Variants in LITAF observed in about 807,000 individuals in gnomAD.
The protein encoded by LITAF is lipopolysaccharide induced TNF factor, also known as lipopolysaccharide-induced tumor necrosis factor-alpha factor.
Under a neutral mutation model 14.5 loss-of-function variants are expected in LITAF, and 9 were observed. The ratio of observed to expected loss-of-function variants is 0.62; its 90% CI spans 0.37 to 1.08. The LOEUF (loss-of-function observed/expected upper bound fraction) is 1.08. Ranked by LOEUF, LITAF falls within the 50% of genes least tolerant of loss-of-function variation. The probability of loss-of-function intolerance (pLI) is 0.01; values close to 1 mark genes in which losing one functional copy is unlikely to be tolerated. For synonymous variants in LITAF, 98 were observed against 88.2 expected, an observed-to-expected ratio of 1.11 and a Z score of -0.62; for missense variants, 206 against 213.4, an observed-to-expected ratio of 0.97 and a Z score of 0.22.
At chr16:11,573,350 G>A (rs1458439225) in intron 1 of LITAF, among the ~76,000 whole-genome samples, 2 of 152,172 alleles carry the variant, frequency 1.3e-5, no homozygotes, top group Non-Finnish European at 2.9e-5. Flanking sequence ...CCTGGGTATC[G>A]ATAAACTGAG....
intron 3 of LITAF, among the ~76,000 whole-genome samples, chr16:11,609,365 C>A (rs2064970456): frequency 6.6e-6 from 1 of 152,036 alleles, no homozygotes; most frequent in African/African-American, 2.4e-5. Context: ...GCGCCTGCCA[C>A]CACACTCAGC....
intron 1 of LITAF, chr16:11,584,466 G>A (rs1011771038): frequency 7.2e-5 from 11 of 152,054 alleles, no homozygotes; most frequent in African/African-American, 2.4e-4. Context: ...AATTAACTTG[G>A]GCTGGAAACG....
At chr16:11,603,840 C>T (rs559432502) in intron 3 of LITAF, among the ~76,000 whole-genome samples, 4 of 150,914 alleles carry the variant, frequency 2.7e-5, no homozygotes, top group South Asian at 4.2e-4. Flanking sequence ...GTCGGGAGAT[C>T]GAGACCATCC....
upstream of LITAF, among the ~76,000 whole-genome samples, chr16:11,638,701 C>CA (rs57170972): frequency 9.2e-3 from 702 of 75,938 alleles, 135 homozygotes; most frequent in Middle Eastern, 0.019. Flanking sequence ...GACTCTGTCT[C>CA]AAAAAAAAAA....
intron 3 of LITAF, among the ~76,000 whole-genome samples, chr16:11,625,691 A>G (rs1597375671): frequency 6.6e-6 from 1 of 152,164 alleles, no homozygotes; most frequent in South Asian, 2.1e-4. Context: ...AGTGACAGAA[A>G]TCAGAGCAGA....
At chr16:11,565,818 G>A (rs1016357066) in intron 1 of LITAF, among the ~76,000 whole-genome samples, 6 of 68,896 alleles carry the variant, frequency 8.7e-5, no homozygotes, top group African/African-American at 2.0e-4. Flanking sequence ...GGCAAATTCC[G>A]CTTAGCTTGC....
At chr16:11,619,691 T>C (rs2065038891) in intron 3 of LITAF, among the ~76,000 whole-genome samples, 1 of 151,964 alleles carries the variant, frequency 6.6e-6, no homozygotes, top group Non-Finnish European at 1.5e-5. Flanking sequence ...CTCAGCTTCC[T>C]GAGCAGCTGG....
intron 1 of LITAF, among the ~76,000 whole-genome samples, chr16:11,579,330 A>C (rs1238378072): frequency 6.6e-6 from 1 of 151,690 alleles, no homozygotes; most frequent in South Asian, 2.1e-4. Flanking sequence ...GGGCGCCTGT[A>C]GTCCCAGCTA....
chr16:11,640,207 A>G (rs924048053), upstream of LITAF, among the ~76,000 whole-genome samples: 1 of 152,210 alleles, frequency 6.6e-6, no homozygotes, highest in African/African-American at 2.4e-5. Flanking sequence ...CATCCAGCAC[A>G]TAGTAGCTGC....
At chr16:11,638,469 G>A (rs1053440458), upstream of LITAF, among the ~76,000 whole-genome samples, 1 of 151,912 alleles carries the variant, frequency 6.6e-6, no homozygotes, top group African/African-American at 2.4e-5. Context: ...TTGGGAGGCC[G>A]AGGCAGGCGC....
intron 1 of LITAF, among the ~76,000 whole-genome samples, chr16:11,560,545 T>G (rs529199493): frequency 6.7e-6 from 1 of 150,328 alleles, no homozygotes; most frequent in East Asian, 1.9e-4. Context: ...ATCACACCAC[T>G]GCACTCCAGC....
At chr16:11,578,124 C>T (rs73509583) in intron 1 of LITAF, among the ~76,000 whole-genome samples, 1,716 of 152,136 alleles carry the variant, frequency 0.011, 34 homozygotes, top group African/African-American at 0.04. Context: ...GTCTTAAACT[C>T]GTGGGTTCAA....
intron 3 of LITAF, among the ~76,000 whole-genome samples, chr16:11,631,696 CG>C (rs1482258130): frequency 6.6e-6 from 1 of 151,268 alleles, no homozygotes. Context: ...AGTCACCACA[CG>C]GACGCCTTCT....
chr16:11,621,759 G>A (rs888654895), intron 3 of LITAF, among the ~76,000 whole-genome samples: 1 of 151,848 alleles, frequency 6.6e-6, no homozygotes, highest in Non-Finnish European at 1.5e-5. Context: ...TTCTTTCCCT[G>A]CCCCGACTCT....
intron 1 of LITAF, among the ~76,000 whole-genome samples, chr16:11,559,662 T>C (rs1045474764): frequency 4.0e-5 from 6 of 151,828 alleles, no homozygotes; most frequent in African/African-American, 1.5e-4. Context: ...TTAAGTAAAA[T>C]GTATTGTTAA....
rs1257186899 is a variant in LITAF at position 11,634,920 on chromosome 16, GCTA to G, written c.-21+902_-21+904del. 6.6e-6 allele frequency among the ~76,000 whole-genome samples: 1 copy of G among 152,124 alleles called. No homozygotes were observed. The highest frequency in any genetic ancestry group is 1.9e-4 in the East Asian group (1 of 5,196). ...GTGTTGGTGGGCACCTATAATCCCA[GCTA>G]TTTGGGAGGCTGAGGCAGGAGAATC... On this transcript the variant is annotated intron_variant, in intron 2 of 3. Coordinates refer to the LITAF transcript ENST00000574848. This position sits in a 1 kb window ranked among gnomAD's most constrained non-coding sequence, Gnocchi z 4.1.
intron 1 of LITAF, among the ~76,000 whole-genome samples, chr16:11,598,028 C>T (rs1410018726): frequency 6.6e-6 from 1 of 152,198 alleles, no homozygotes; most frequent in Non-Finnish European, 1.5e-5. Flanking sequence ...GCCTCAGACA[C>T]CCGAGTAGCT....
Position 11,605,097 on chromosome 16 carries a change from G to A in LITAF, c.85+28436C>T, listed in dbSNP as rs1441820766. 2.0e-5 allele frequency among the ~76,000 whole-genome samples: 3 copies of A among 152,278 alleles called. No individual in the cohort carries two copies. The highest frequency in any genetic ancestry group is 7.2e-5 in the African/African-American group (3 of 41,562). On this transcript the variant is annotated intron_variant, in intron 3 of 3. Transcript: ENST00000574848. The surrounding 1 kb of genome is among the most constrained non-coding windows in gnomAD (Gnocchi z 4.7). ...TGAATGGGTCCCTCACCCGTGTGCA[G>A]GCCCTCAGGGCTCCCAGGAACAGGA...
upstream of LITAF, among the ~76,000 whole-genome samples, chr16:11,591,538 G>A (rs1004336327): frequency 6.6e-5 from 10 of 151,550 alleles, no homozygotes; most frequent in African/African-American, 2.2e-4. Flanking sequence ...AAAGCATGTG[G>A]TTCTGGCATA....
Sources: allele counts gnomAD v4.1 joint callset (sites outside exome capture counted in the v4.1 genomes callset), GRCh38; gene constraint gnomAD v4.1.1; non-coding constraint Gnocchi (gnomAD v3.1); transcripts MANE v1.5; gene names NCBI Gene and HGNC (gene_info 2026-07-23, HGNC 2026-07-21).